Variants in ROBO1 observed in about 807,000 individuals in gnomAD.
ROBO1 encodes roundabout guidance receptor 1.
ROBO1 carries 149 observed loss-of-function variants against 195.9 expected under a neutral mutation model. The observed-to-expected ratio is 0.76, with a 90% CI of 0.67 to 0.87. The LOEUF (loss-of-function observed/expected upper bound fraction) is 0.87, where lower values mean the gene tolerates loss of function less well. ROBO1 is among the 40% of genes least tolerant of loss of function. The pLI, the probability that ROBO1 is intolerant of heterozygous loss-of-function variation, is 0.00. For synonymous variants in ROBO1, 816 were observed against 733.2 expected, an observed-to-expected ratio of 1.11 and a Z score of -1.82; for missense variants, 1,933 against 2,068.3, an observed-to-expected ratio of 0.93 and a Z score of 1.27.
At chr3:79,422,293 G>T (rs371915034) in intron 2 of ROBO1, among the ~76,000 whole-genome samples, 121 of 151,568 alleles carry the variant, frequency 8.0e-4, no homozygotes, top group African/African-American at 2.7e-3. Context: ...ACTAAGTTAA[G>T]CACTTTAATA....
chr3:78,799,114 TA>T (rs2084276078), intron 4 of ROBO1, among the ~76,000 whole-genome samples: 1 of 152,194 alleles, frequency 6.6e-6, no homozygotes, highest in Non-Finnish European at 1.5e-5. Flanking sequence ...CTTTGATTGC[TA>T]CAAATTCGCA....
intron 2 of ROBO1, among the ~76,000 whole-genome samples, chr3:79,477,829 AGTTTAAG>A (rs1379910632): frequency 6.6e-6 from 1 of 152,338 alleles, no homozygotes; most frequent in Non-Finnish European, 1.5e-5. Flanking sequence ...TACATTTACC[AGTTTAAG>A]GTCCATGGAT....
chr3:78,636,799 A>G (rs1186244586), intron 22 of ROBO1, among the ~76,000 whole-genome samples: 1 of 151,264 alleles, frequency 6.6e-6, no homozygotes, highest in Non-Finnish European at 1.5e-5. Context: ...GAATCATAGT[A>G]ACCTGGGTAA....
chr3:79,664,528 C>T (rs926488332), intron 1 of ROBO1, among the ~76,000 whole-genome samples: 2 of 152,008 alleles, frequency 1.3e-5, no homozygotes, highest in Non-Finnish European at 2.9e-5. Flanking sequence ...GCATCTCATT[C>T]CAGCTAAAAT....
At chr3:79,119,224 T>C (rs903190492) in intron 3 of ROBO1, among the ~76,000 whole-genome samples, 3 of 152,234 alleles carry the variant, frequency 2.0e-5, no homozygotes, top group African/African-American at 4.8e-5. Flanking sequence ...TGCTTTAAAC[T>C]GTTCTTCACA....
At chr3:79,410,473 T>C (rs1265662179) in intron 2 of ROBO1, among the ~76,000 whole-genome samples, 1 of 152,096 alleles carries the variant, frequency 6.6e-6, no homozygotes, top group African/African-American at 2.4e-5. Context: ...GCAACCTGTA[T>C]GTCCAGGGAA....
chr3:78,613,650 C>T (rs115624703), intron 28 of ROBO1, among the ~76,000 whole-genome samples: 1 of 152,140 alleles, frequency 6.6e-6, no homozygotes, highest in African/African-American at 2.4e-5. Flanking sequence ...CCACTCATTG[C>T]AAAATTACTT....
intron 2 of ROBO1, among the ~76,000 whole-genome samples, chr3:79,417,920 C>G (rs781517439): frequency 3.9e-4 from 59 of 152,058 alleles, no homozygotes; most frequent in Admixed American, 8.5e-4. Flanking sequence ...AGTTATAGTT[C>G]TGGTTTTAGA....
chr3:78,661,913 CAGAT>C (rs1246779507), intron 15 of ROBO1, 76 bp downstream of exon 15: 23 of 1,455,322 alleles, frequency 1.6e-5, no homozygotes, highest in Non-Finnish European at 2.1e-5. Context: ...AAGTAGGCAA[CAGAT>C]AGTTACATTT....
intron 2 of ROBO1, among the ~76,000 whole-genome samples, chr3:79,170,862 A>C (rs1221142294): frequency 2.0e-5 from 3 of 152,094 alleles, no homozygotes; most frequent in Non-Finnish European, 2.9e-5. Context: ...ATCTGAAGTA[A>C]TTTATTTTTC....
chr3:78,832,552 T>C (rs1171955499), intron 4 of ROBO1, among the ~76,000 whole-genome samples: 1 of 152,162 alleles, frequency 6.6e-6, no homozygotes, highest in Non-Finnish European at 1.5e-5. Context: ...ACTAACATTG[T>C]AGAGCATGAA....
chr3:78,927,210 T>G (rs1457931730), intron 4 of ROBO1, among the ~76,000 whole-genome samples: 1 of 152,164 alleles, frequency 6.6e-6, no homozygotes, highest in Non-Finnish European at 1.5e-5. Flanking sequence ...GCTCCTATTA[T>G]ATTCTTCAAT....
rs192770599 is a variant in ROBO1, at chr3:78,699,593, T to A, written c.1046-10821A>T. Among the ~76,000 whole-genome samples the A allele has an allele frequency of 7.3e-3, 1,098 of 149,712 alleles. 7 individuals are homozygous for A. Among genetic ancestry groups the A allele is most frequent in the Non-Finnish European group, 0.012 (811 of 67,486 alleles). ...CCAAGTAATAATAATAATAATAATATTAATAATAATAATAATACAATTACA... is the reference window on the plus strand; with the variant it reads ...CCAAGTAATAATAATAATAATAATAATAATAATAATAATAATACAATTACA... On this transcript the variant is annotated intron_variant, in intron 8 of 30. Transcript: ENST00000464233.
intron 2 of ROBO1, among the ~76,000 whole-genome samples, chr3:79,422,114 A>G (rs1478868819): frequency 6.7e-6 from 1 of 148,226 alleles, no homozygotes; most frequent in South Asian, 2.1e-4. Flanking sequence ...TTGATTATAT[A>G]TTTTATGCAT....
rs1176944094 is a variant in ROBO1 at position 78,885,211 on chromosome 3, G to C, written c.499+53390C>G. The stretch of plus-strand genomic sequence containing the variant: ...CTTATAGGTGGAAACTAAATGATGA[G>C]AATACATGGACACATAGAGGTAAAA... On this transcript the variant is annotated intron_variant, in intron 4 of 30. Transcript: ENST00000464233. Among the ~76,000 whole-genome samples the C allele has an allele frequency of 4.6e-5, 7 of 151,848 alleles. No homozygotes were observed. In the East Asian group the frequency reaches 1.2e-3, roughly 25 times the overall value.
chr3:79,678,791 G>A (rs1397378225), intron 1 of ROBO1, among the ~76,000 whole-genome samples: 3 of 151,956 alleles, frequency 2.0e-5, no homozygotes, highest in South Asian at 2.1e-4. Context: ...TTTTTTGAGA[G>A]GGCCACTGCT....
intron 2 of ROBO1, among the ~76,000 whole-genome samples, chr3:79,455,597 C>A (rs1008763674): frequency 1.3e-5 from 2 of 152,042 alleles, no homozygotes; most frequent in African/African-American, 4.8e-5. Flanking sequence ...TGCTCTGAGT[C>A]ATTTTCCGCA....
chr3:78,845,445 GC>G, intron 4 of ROBO1, among the ~76,000 whole-genome samples: 1 of 152,054 alleles, frequency 6.6e-6, no homozygotes, highest in Admixed American at 6.6e-5. Context: ...CATATTTGTA[GC>G]TTACAGTATA....
intron 2 of ROBO1, among the ~76,000 whole-genome samples, chr3:79,410,373 C>G (rs760155186): frequency 4.6e-5 from 7 of 152,034 alleles, no homozygotes; most frequent in Non-Finnish European, 1.0e-4. Flanking sequence ...TGAATTCCTT[C>G]TTCAGGACTT....
Sources: gnomAD v4.1 joint callset for allele counts (sites outside exome capture counted in the v4.1 genomes callset) on GRCh38, gnomAD v4.1.1 for gene constraint, MANE v1.5 for transcripts, NCBI Gene and HGNC (gene_info 2026-07-23, HGNC 2026-07-21) for gene names.